SLC9A1: variants seen among roughly 807,000 people sequenced by gnomAD.
SLC9A1 encodes solute carrier family 9 member A1, also known as sodium/hydrogen exchanger 1.
In SLC9A1, 22 loss-of-function variants were observed where a neutral mutation model predicts 67.9. The ratio of observed to expected loss-of-function variants is 0.32; its 90% CI spans 0.23 to 0.46. SLC9A1 has a LOEUF of 0.46. Ranked by LOEUF, SLC9A1 falls within the 20% of genes least tolerant of loss-of-function variation. SLC9A1 has a pLI of 1.00. For synonymous variants in SLC9A1, 421 were observed against 471.8 expected (o/e 0.89, Z 1.40); for missense variants, 686 against 1,094.8 (o/e 0.63, Z 5.27).
chr1:27,115,643 C>T (rs1196403411), intron 1 of SLC9A1, among the ~76,000 whole-genome samples: 1 of 151,560 alleles, frequency 6.6e-6, no homozygotes, highest in African/African-American at 2.4e-5. Context: ...GAGACCTCAT[C>T]TCCACTTAAA....
At chr1:27,131,331 G>A (rs2083382783) in intron 1 of SLC9A1, among the ~76,000 whole-genome samples, 1 of 150,510 alleles carries the variant, frequency 6.6e-6, no homozygotes, top group South Asian at 2.1e-4. Context: ...GGTGGCTCAC[G>A]CCTGTACTCT....
At chr1:27,148,285 T>G (rs2083503127) in intron 1 of SLC9A1, among the ~76,000 whole-genome samples, 1 of 152,158 alleles carries the variant, frequency 6.6e-6, no homozygotes, top group Non-Finnish European at 1.5e-5. Flanking sequence ...TCCTCCTTCA[T>G]GCAAATACAG....
chr1:27,138,048 G>A (rs1557431626), intron 1 of SLC9A1, among the ~76,000 whole-genome samples: 1 of 152,144 alleles, frequency 6.6e-6, no homozygotes, highest in African/African-American at 2.4e-5. Context: ...GGCCTGAGCC[G>A]ACTCTATCGC....
At chr1:27,104,609 G>T (rs2083171259) in intron 5 of SLC9A1, among the ~76,000 whole-genome samples, 1 of 151,648 alleles carries the variant, frequency 6.6e-6, no homozygotes, top group East Asian at 1.9e-4. Context: ...GGCTGCTCTT[G>T]AACTACTGGG....
chr1:27,118,424 C>T lies in SLC9A1; in HGVS notation c.353-4138G>A, dbSNP rs1294749551. On this transcript the variant is annotated intron_variant, in intron 1 of 11. Coordinates refer to ENST00000263980, the MANE Select transcript of SLC9A1 (RefSeq NM_003047.5). This position sits in a 1 kb window ranked among gnomAD's most constrained non-coding sequence, Gnocchi z 4.3. ...AGGGAAGTGGGAAGCAGCCCCTGGA[C>T]CTGCGCTGGCTTGTCCCTCTCCTAA... Among the ~76,000 whole-genome samples, 1 of 152,194 alleles carries T rather than the reference C, an allele frequency of 6.6e-6. No individual in the cohort carries two copies. The highest frequency in any genetic ancestry group is 1.5e-5 in the Non-Finnish European group (1 of 68,038).
At chr1:27,126,314 G>A (rs774909857) in intron 1 of SLC9A1, among the ~76,000 whole-genome samples, 1 of 152,100 alleles carries the variant, frequency 6.6e-6, no homozygotes, top group Non-Finnish European at 1.5e-5. Context: ...CTGGCACACA[G>A]GAGGTTCACA....
intron 5 of SLC9A1, 40 bp downstream of exon 5, chr1:27,105,845 G>A: frequency 1.3e-6 from 2 of 1,536,126 alleles, no homozygotes; most frequent in Non-Finnish European, 1.8e-6. Flanking sequence ...AGCCTGTGAG[G>A]GTCCCCAAGG....
At chr1:27,125,430 G>A (rs148280637) in intron 1 of SLC9A1, among the ~76,000 whole-genome samples, 1 of 151,464 alleles carries the variant, frequency 6.6e-6, no homozygotes, top group Non-Finnish European at 1.5e-5. Context: ...ATTTTCAATA[G>A]AGACAGGATT....
chr1:27,133,311 C>G (rs550548849), intron 1 of SLC9A1, among the ~76,000 whole-genome samples: 1 of 152,260 alleles, frequency 6.6e-6, no homozygotes, highest in South Asian at 2.1e-4. Flanking sequence ...TCAAGCGACC[C>G]ACCTGTGCTT....
Position 27,118,142 on chromosome 1 carries a change from G to A in SLC9A1, c.353-3856C>T, listed in dbSNP as rs1378773122. On this transcript the variant is annotated intron_variant, in intron 1 of 11. Transcript: ENST00000263980. The surrounding 1 kb of genome is among the most constrained non-coding windows in gnomAD (Gnocchi z 4.3). ...CAGCTCCAGAGTACCTGGGGCTGGA[G>A]CCATGTTCCTGGAGCTGGTTTCCCT... Among the ~76,000 whole-genome samples, 2 of 152,198 alleles carry A rather than the reference G, an allele frequency of 1.3e-5. No individual in the cohort carries two copies. Among genetic ancestry groups the A allele is most frequent in the African/African-American group, 2.4e-5 (1 of 41,448 alleles).
At chr1:27,102,352 G>T in intron 8 of SLC9A1, 33 bp downstream of exon 8, 2 of 1,562,332 alleles carry the variant, frequency 1.3e-6, no homozygotes, top group Non-Finnish European at 1.7e-6. Context: ...CGGTGTGTGG[G>T]AGCAGAAGCT....
At chr1:27,108,298 C>T (rs1044283863) in intron 3 of SLC9A1, among the ~76,000 whole-genome samples, 1 of 150,334 alleles carries the variant, frequency 6.7e-6, no homozygotes, top group Non-Finnish European at 1.5e-5. Flanking sequence ...GAACTCCTGA[C>T]CTTGTAATCC....
chr1:27,120,000 A>C (rs1234298049), intron 1 of SLC9A1, among the ~76,000 whole-genome samples: 6 of 151,964 alleles, frequency 3.9e-5, no homozygotes, highest in African/African-American at 1.2e-4. Flanking sequence ...CTCAGCCAGG[A>C]GGGGAAGGTT....
intron 1 of SLC9A1, among the ~76,000 whole-genome samples, chr1:27,146,519 T>C (rs1451392831): frequency 6.6e-6 from 1 of 152,176 alleles, no homozygotes; most frequent in African/African-American, 2.4e-5. Flanking sequence ...GGCATGAGGA[T>C]GAAAAGAACA....
At chr1:27,122,651 G>A (rs1285079732) in intron 1 of SLC9A1, among the ~76,000 whole-genome samples, 1 of 152,096 alleles carries the variant, frequency 6.6e-6, no homozygotes, top group Non-Finnish European at 1.5e-5. Flanking sequence ...CTTCTCCCTG[G>A]GTCTCAAGGA....
intron 1 of SLC9A1, among the ~76,000 whole-genome samples, chr1:27,120,525 G>T (rs1220559084): frequency 6.6e-6 from 1 of 151,586 alleles, no homozygotes; most frequent in Non-Finnish European, 1.5e-5. Flanking sequence ...ATCACCTGAG[G>T]TCAGGAGTTC....
At position 27,100,844 on chromosome 1, in the gene SLC9A1, G is replaced by A. The variant is rs2083137733; in HGVS notation, c.2111-200C>T. 6.6e-6 allele frequency among the ~76,000 whole-genome samples: 1 copy of A among 152,184 alleles called. No homozygotes were observed. Among genetic ancestry groups the A allele is most frequent in the Admixed American group, 6.5e-5 (1 of 15,284 alleles). On this transcript the variant is annotated intron_variant, in intron 11 of 11. Transcript: ENST00000263980. This position sits in a 1 kb window ranked among gnomAD's most constrained non-coding sequence, Gnocchi z 5.6. ...AGACTGTGGCCCTCTCCTTTGACAG[G>A]GGCTCCCAGAGGTGTCCCTCCACAG...
chr1:27,114,725 C>T lies in SLC9A1; in HGVS notation c.353-439G>A, dbSNP rs993774265. 1.3e-5 allele frequency among the ~76,000 whole-genome samples: 2 copies of T among 152,158 alleles called. No homozygotes were observed. Among genetic ancestry groups the T allele is most frequent in the Non-Finnish European group, 2.9e-5 (2 of 68,034 alleles). ...GATCTGAGCTCAACCTGAGGAATAACAATCTAACAATTCTGTCTGAGGGAA... is the reference window on the plus strand; with the variant it reads ...GATCTGAGCTCAACCTGAGGAATAATAATCTAACAATTCTGTCTGAGGGAA... On this transcript the variant is annotated intron_variant, in intron 1 of 11. Coordinates refer to ENST00000263980, the MANE Select transcript of SLC9A1 (RefSeq NM_003047.5). This position sits in a 1 kb window ranked among gnomAD's most constrained non-coding sequence, Gnocchi z 5.4.
intron 1 of SLC9A1, among the ~76,000 whole-genome samples, chr1:27,141,932 A>G (rs1027818480): frequency 6.6e-6 from 1 of 152,202 alleles, no homozygotes; most frequent in Non-Finnish European, 1.5e-5. Flanking sequence ...CCCAAGTTCA[A>G]CATTGGCTTG....
Sources: gnomAD v4.1 joint callset for allele counts (sites outside exome capture counted in the v4.1 genomes callset) on GRCh38, gnomAD v4.1.1 for gene constraint, Gnocchi (gnomAD v3.1) non-coding constraint, MANE v1.5 for transcripts, NCBI Gene and HGNC (gene_info 2026-07-23, HGNC 2026-07-21) for gene names.